TBC1D12: variants seen among roughly 807,000 people sequenced by gnomAD.
TBC1D12 encodes TBC1 domain family member 12.
In TBC1D12, 56 loss-of-function variants were observed where a neutral mutation model predicts 86.7. The observed-to-expected ratio is 0.65, with a 90% CI of 0.52 to 0.81. The LOEUF (loss-of-function observed/expected upper bound fraction) is 0.81. TBC1D12 is among the 30% of genes least tolerant of loss of function. TBC1D12 has a pLI of 0.00. For missense variants in TBC1D12, 1,023 were observed against 1,038.8 expected, an observed-to-expected ratio of 0.98 and a Z score of 0.21; for synonymous variants, 421 against 411.7, an observed-to-expected ratio of 1.02 and a Z score of -0.27.
At chr10:94,457,994 A>G (rs531738369) in intron 2 of TBC1D12, among the ~76,000 whole-genome samples, 109 of 152,296 alleles carry the variant, frequency 7.2e-4, no homozygotes, top group Middle Eastern at 3.4e-3. Flanking sequence ...ACATATGAGC[A>G]TATGCACACA....
At chr10:94,483,527 TG>T (rs1350061826) in intron 3 of TBC1D12, among the ~76,000 whole-genome samples, 2 of 152,232 alleles carry the variant, frequency 1.3e-5, no homozygotes, top group African/African-American at 4.8e-5. Flanking sequence ...TGAGCACCTT[TG>T]AATATGGCTG....
chr10:94,416,902 C>A (rs2055006490), intron 1 of TBC1D12, among the ~76,000 whole-genome samples: 1 of 152,104 alleles, frequency 6.6e-6, no homozygotes, highest in African/African-American at 2.4e-5. Context: ...AATAGCTCAG[C>A]ACTTTTTGGG....
At chr10:94,418,137 T>G (rs2055025425) in intron 1 of TBC1D12, among the ~76,000 whole-genome samples, 2 of 152,172 alleles carry the variant, frequency 1.3e-5, no homozygotes, top group Non-Finnish European at 2.9e-5. Flanking sequence ...TGTGTAGAGA[T>G]ATAGATTAAA....
At chr10:94,450,436 G>A (rs2055533131) in intron 2 of TBC1D12, among the ~76,000 whole-genome samples, 1 of 151,882 alleles carries the variant, frequency 6.6e-6, no homozygotes, top group Non-Finnish European at 1.5e-5. Flanking sequence ...AATTGAAAAA[G>A]CAAACAGGAA....
chr10:94,493,561 T>C, intron 4 of TBC1D12, 114 bp downstream of exon 4: 3 of 839,454 alleles, frequency 3.6e-6, no homozygotes, highest in Non-Finnish European at 5.6e-6. Context: ...TTATTTCTTT[T>C]TTCGTTTCTT....
chr10:94,487,052 A>G (rs1004665158), intron 3 of TBC1D12, among the ~76,000 whole-genome samples: 2 of 152,148 alleles, frequency 1.3e-5, no homozygotes, highest in Non-Finnish European at 2.9e-5. Flanking sequence ...CTTTATCATT[A>G]TATAATGACC....
At chr10:94,414,719 C>T (rs762787905) in intron 1 of TBC1D12, among the ~76,000 whole-genome samples, 2 of 151,782 alleles carry the variant, frequency 1.3e-5, no homozygotes, top group Non-Finnish European at 2.9e-5. Context: ...CCCATCTCAG[C>T]CTCTGGAGTA....
chr10:94,509,819 T>C (rs1369290852), intron 7 of TBC1D12: 2 of 337,618 alleles, frequency 5.9e-6, no homozygotes, highest in East Asian at 7.7e-5. Flanking sequence ...TTTTTCCTAG[T>C]TGTTACCATG....
intron 2 of TBC1D12, among the ~76,000 whole-genome samples, chr10:94,465,284 A>G (rs1041128645): frequency 6.6e-6 from 1 of 152,200 alleles, no homozygotes; most frequent in African/African-American, 2.4e-5. Flanking sequence ...TGCATTATAA[A>G]ATATCAAAAA....
At chr10:94,455,909 G>T (rs973934592) in intron 2 of TBC1D12, among the ~76,000 whole-genome samples, 1 of 151,720 alleles carries the variant, frequency 6.6e-6, no homozygotes, top group Admixed American at 6.6e-5. Context: ...AGTGAGCCAG[G>T]ATGGCACCTG....
chr10:94,431,257 A>G (rs2055211180), intron 1 of TBC1D12, among the ~76,000 whole-genome samples: 1 of 152,112 alleles, frequency 6.6e-6, no homozygotes, highest in Non-Finnish European at 1.5e-5. Context: ...TCTACTAAAA[A>G]TACAAAAATT....
At chr10:94,510,059 T>C (rs759612959) in intron 7 of TBC1D12, 32 bp from the exon 8 acceptor site, 2 of 1,524,744 alleles carry the variant, frequency 1.3e-6, no homozygotes, top group African/African-American at 2.7e-5. Flanking sequence ...AGCCAAGTGA[T>C]CATTTAAATT....
chr10:94,437,591 G>C (rs2055321267), intron 1 of TBC1D12, among the ~76,000 whole-genome samples: 1 of 152,154 alleles, frequency 6.6e-6, no homozygotes, highest in Admixed American at 6.5e-5. Context: ...CTCCCAAAGT[G>C]AGTTATTTCT....
chr10:94,494,514 C>T (rs1411658959), intron 4 of TBC1D12, among the ~76,000 whole-genome samples: 1 of 152,132 alleles, frequency 6.6e-6, no homozygotes, highest in Non-Finnish European at 1.5e-5. Context: ...ATATTTCTGA[C>T]ATATCCAATT....
At chr10:94,493,552 T>TA (rs2134177103) in intron 4 of TBC1D12, 105 bp downstream of exon 4, 2 of 907,230 alleles carry the variant, frequency 2.2e-6, no homozygotes, top group Non-Finnish European at 3.4e-6. Flanking sequence ...TTCTTTTTTT[T>TA]ATTTCTTTTT....
At chr10:94,442,183 T>G (rs2055393367) in intron 2 of TBC1D12, among the ~76,000 whole-genome samples, 164 bp downstream of exon 2, 1 of 151,980 alleles carries the variant, frequency 6.6e-6, no homozygotes, top group Admixed American at 6.6e-5. Flanking sequence ...CCTGCTAAAT[T>G]TTCTAGAAAA....
chr10:94,418,641 G>A (rs548510531), intron 1 of TBC1D12, among the ~76,000 whole-genome samples: 2 of 151,644 alleles, frequency 1.3e-5, no homozygotes, highest in Admixed American at 6.6e-5. Context: ...GTGCAGTCTC[G>A]GCTCACTGCA....
chr10:94,422,719 T>C (rs1244383599), intron 1 of TBC1D12, among the ~76,000 whole-genome samples: 1 of 151,964 alleles, frequency 6.6e-6, no homozygotes, highest in African/African-American at 2.4e-5. Flanking sequence ...GGACTACAGG[T>C]ACCGTGCTTG....
Position 94,507,312 on chromosome 10 carries a change from G to A in TBC1D12, c.1565G>A (p.Ser522Asn). The A allele has an allele frequency of 1.2e-5, 20 of 1,609,838 alleles. No individual in the cohort carries two copies. Among genetic ancestry groups the A allele is most frequent in the Non-Finnish European group, 1.7e-5 (20 of 1,179,232 alleles). The change falls in exon 7 of 13, where the codon AGT (serine) becomes AAT (asparagine). Residue 522 changes from serine (S) to asparagine (N), a missense_variant. Coordinates refer to ENST00000225235, the MANE Select transcript of TBC1D12 (RefSeq NM_015188.2). The stretch of plus-strand genomic sequence containing the variant: ...TCAAGAGCAAAAGAACGGTGGAAAA[G>A]TTTCAGTGAAACAAGTTCAGAGAAT... ...FLSRAKERWK[S>N]FSETSSENDT...
Sources: allele counts gnomAD v4.1 joint callset (sites outside exome capture counted in the v4.1 genomes callset), GRCh38; gene constraint gnomAD v4.1.1; transcripts MANE v1.5; gene names NCBI Gene and HGNC (gene_info 2026-07-23, HGNC 2026-07-21).